HPSE2: variants seen among roughly 807,000 people sequenced by gnomAD.
The protein encoded by HPSE2 is inactive heparanase-2.
HPSE2 carries 38 observed loss-of-function variants against 60.5 expected under a neutral mutation model. The ratio of observed to expected loss-of-function variants is 0.63; its 90% CI spans 0.48 to 0.82. The LOEUF (loss-of-function observed/expected upper bound fraction) is 0.82, where lower values mean the gene tolerates loss of function less well. HPSE2 is among the 40% of genes least tolerant of loss of function. The pLI, the probability that HPSE2 is intolerant of heterozygous loss-of-function variation, is 0.00. For missense variants in HPSE2, 713 were observed against 740.4 expected, an observed-to-expected ratio of 0.96 and a Z score of 0.43; for synonymous variants, 295 against 293.2, an observed-to-expected ratio of 1.01 and a Z score of -0.06.
In HPSE2 at chr10:98,986,881, T is replaced by G. The variant is rs1030152068; in HGVS notation, c.610+157357A>C. Among the ~76,000 whole-genome samples, 10 of 152,178 alleles carry G rather than the reference T, an allele frequency of 6.6e-5. No homozygotes were observed. The South Asian group carries it at 8.3e-4, about 13-fold the overall frequency. On this transcript the variant is annotated intron_variant, in intron 3 of 11. Coordinates refer to ENST00000370552, the MANE Select transcript of HPSE2 (RefSeq NM_021828.5). ...TATAAACACCTCTACGGAAATAAAC[T>G]AGAAAATCTAGAAGAAATGGATAAA... is the stretch of plus-strand genomic sequence containing the variant.
chr10:98,853,710 G>A (rs1952238782), intron 3 of HPSE2, among the ~76,000 whole-genome samples: 1 of 151,842 alleles, frequency 6.6e-6, no homozygotes, highest in South Asian at 2.1e-4. Context: ...CTATAAAAAG[G>A]CAGTTATAAA....
At chr10:98,980,902 T>A (rs1295263106) in intron 3 of HPSE2, among the ~76,000 whole-genome samples, 1 of 152,172 alleles carries the variant, frequency 6.6e-6, no homozygotes, top group Admixed American at 6.5e-5. Context: ...AAAATATTTT[T>A]CCTCTATGGC....
At chr10:99,055,214 C>A (rs911978821) in intron 3 of HPSE2, among the ~76,000 whole-genome samples, 1 of 152,064 alleles carries the variant, frequency 6.6e-6, no homozygotes, top group African/African-American at 2.4e-5. Context: ...GACATTCGAG[C>A]AGCTATTGTA....
intron 3 of HPSE2, among the ~76,000 whole-genome samples, chr10:98,855,251 CA>C (rs1193344795): frequency 6.6e-6 from 1 of 152,158 alleles, no homozygotes; most frequent in Non-Finnish European, 1.5e-5. Context: ...GTCTCACACA[CA>C]AAAGAGTTTT....
At chr10:98,490,309 C>A (rs1052977690) in intron 9 of HPSE2, 113 bp from the exon 10 acceptor site, 3 of 1,282,956 alleles carry the variant, frequency 2.3e-6, no homozygotes, top group Non-Finnish European at 3.3e-6. Context: ...GAAATCACTT[C>A]CTACCTGGAG....
At position 98,601,160 on chromosome 10, in the gene HPSE2, T is replaced by C. The variant is rs1490400110; in HGVS notation, c.1320+13744A>G. 2.0e-5 allele frequency among the ~76,000 whole-genome samples: 3 copies of C among 151,816 alleles called. No homozygotes were observed. The East Asian group carries it at 5.8e-4, about 29-fold the overall frequency. ...TTGTTGTTCAGGGAAGGCCAGTCTT[T>C]TCTCTATCAAGGTCTTCAACTGATT... On this transcript the variant is annotated intron_variant, in intron 9 of 11. Transcript: ENST00000370552.
At chr10:98,847,368 C>T (rs2134717132) in intron 3 of HPSE2, among the ~76,000 whole-genome samples, 1 of 152,276 alleles carries the variant, frequency 6.6e-6, no homozygotes, top group Non-Finnish European at 1.5e-5. Context: ...TGTAACAACC[C>T]TAAAAGTATT....
At chr10:98,789,853 T>A (rs1346104523) in intron 3 of HPSE2, among the ~76,000 whole-genome samples, 1 of 152,196 alleles carries the variant, frequency 6.6e-6, no homozygotes, top group Non-Finnish European at 1.5e-5. Flanking sequence ...AAATTTAAAT[T>A]TCAGATAAAT....
At chr10:98,467,414 A>T (rs1940581883) in intron 11 of HPSE2, among the ~76,000 whole-genome samples, 1 of 152,208 alleles carries the variant, frequency 6.6e-6, no homozygotes, top group Non-Finnish European at 1.5e-5. Flanking sequence ...GGCTTGGGAC[A>T]TGAAATGTGC....
intron 11 of HPSE2, among the ~76,000 whole-genome samples, chr10:98,463,734 C>T (rs1306257171): frequency 6.6e-6 from 1 of 152,108 alleles, no homozygotes; most frequent in African/African-American, 2.4e-5. Context: ...GAGCCCAGGA[C>T]ATTGAGACTG....
intron 3 of HPSE2, among the ~76,000 whole-genome samples, chr10:98,878,127 A>C (rs1268735002): frequency 1.3e-5 from 2 of 151,960 alleles, no homozygotes; most frequent in Non-Finnish European, 2.9e-5. Context: ...AATATACAAG[A>C]CGTTTCAAAT....
At chr10:99,179,352 A>C (rs1329230363) in intron 2 of HPSE2, among the ~76,000 whole-genome samples, 1 of 152,228 alleles carries the variant, frequency 6.6e-6, no homozygotes, top group Non-Finnish European at 1.5e-5. Flanking sequence ...AGATGACATG[A>C]TTGTATATTT....
intron 4 of HPSE2, among the ~76,000 whole-genome samples, chr10:98,731,110 C>A (rs1949216326): frequency 1.3e-5 from 2 of 152,070 alleles, no homozygotes; most frequent in African/African-American, 4.8e-5. Context: ...CATGGTGAAA[C>A]CCCGTCTCTA....
intron 3 of HPSE2, among the ~76,000 whole-genome samples, chr10:99,024,878 A>G (rs1957341650): frequency 6.6e-6 from 1 of 152,176 alleles, no homozygotes; most frequent in Non-Finnish European, 1.5e-5. Context: ...AAGCTGAGGG[A>G]TTTCACCAAT....
intron 3 of HPSE2, among the ~76,000 whole-genome samples, chr10:99,071,029 A>G (rs1022995692): frequency 5.9e-5 from 9 of 151,866 alleles, no homozygotes; most frequent in African/African-American, 2.2e-4. Flanking sequence ...GGTATGCAGA[A>G]GTGGGATTGC....
At chr10:98,506,904 GC>G (rs1439950083) in intron 9 of HPSE2, among the ~76,000 whole-genome samples, 11 of 152,152 alleles carry the variant, frequency 7.2e-5, no homozygotes, top group Non-Finnish European at 1.6e-4. Context: ...CTGGACAGAA[GC>G]CTTCATTTTT....
At chr10:99,027,491 C>T (rs934259527) in intron 3 of HPSE2, among the ~76,000 whole-genome samples, 1 of 152,082 alleles carries the variant, frequency 6.6e-6, no homozygotes, top group African/African-American at 2.4e-5. Context: ...TAAAGAAAAG[C>T]CTGGGGCCTG....
Position 98,800,767 on chromosome 10 carries a change from T to C in HPSE2, c.611-56711A>G, listed in dbSNP as rs1950887637. On this transcript the variant is annotated intron_variant, in intron 3 of 11. Transcript: ENST00000370552. ...CAGTAAAGGAAAGGTCAGGACCTGA[T>C]AGCTTCACAGCTGAATTTTACCATA... Among the ~76,000 whole-genome samples the C allele has an allele frequency of 2.6e-5, 4 of 152,286 alleles. No homozygotes were observed. The South Asian group carries it at 6.2e-4, about 24-fold the overall frequency.
intron 3 of HPSE2, among the ~76,000 whole-genome samples, chr10:99,007,733 C>T (rs1407215268): frequency 6.6e-6 from 1 of 152,220 alleles, no homozygotes; most frequent in Non-Finnish European, 1.5e-5. Flanking sequence ...TGGTCTCCTA[C>T]AGTCATAACA....
Sources: allele counts gnomAD v4.1 joint callset (sites outside exome capture counted in the v4.1 genomes callset), GRCh38; gene constraint gnomAD v4.1.1; transcripts MANE v1.5; gene names NCBI Gene and HGNC (gene_info 2026-07-23, HGNC 2026-07-21).